Variants in MGAT5 observed in about 807,000 individuals in gnomAD.
MGAT5 encodes alpha-1,6-mannosylglycoprotein 6-beta-N-acetylglucosaminyltransferase A.
A neutral mutation model predicts 94.3 loss-of-function variants in MGAT5; 30 were observed. The ratio of observed to expected loss-of-function variants is 0.32; its 90% CI spans 0.24 to 0.43. MGAT5 has a LOEUF of 0.43. MGAT5 is among the 20% of genes least tolerant of loss of function. The pLI is 1.00. For synonymous variants in MGAT5, 310 were observed against 322.9 expected (o/e 0.96, Z 0.43); for missense variants, 691 against 905.5 (o/e 0.76, Z 3.04).
At chr2:134,345,088 C>G in intron 8 of MGAT5, 24 bp downstream of exon 8, 1 of 1,594,230 alleles carries the variant, frequency 6.3e-7, no homozygotes, top group South Asian at 1.1e-5. Flanking sequence ...GGTGTTCTGA[C>G]TTAAGGTTTT....
intron 10 of MGAT5, among the ~76,000 whole-genome samples, chr2:134,381,378 T>TAGATA (rs1681554886): frequency 1.4e-5 from 1 of 71,588 alleles, no homozygotes; most frequent in Non-Finnish European, 2.8e-5. Context: ...TAAGATAAGA[T>TAGATA]AGATTAGATA....
In MGAT5 at chr2:134,182,900, C is replaced by G. The variant is rs566422644; in HGVS notation, c.-143+62609C>G. On this transcript the variant is annotated intron_variant, in intron 1 of 16. Transcript: ENST00000409645. ...CTCCAGGGTTCACGCCATTCTCTTG[C>G]CTCAGCCTCCCGAGTAGCTGTGACT... Among the ~76,000 whole-genome samples the G allele has an allele frequency of 4.1e-4, 61 of 149,622 alleles. 1 individual carries two copies. In the South Asian group the frequency reaches 6.6e-3, roughly 16 times the overall value.
At chr2:134,376,836 G>T (rs775373904) in intron 10 of MGAT5, among the ~76,000 whole-genome samples, 3 of 152,110 alleles carry the variant, frequency 2.0e-5, no homozygotes, top group Non-Finnish European at 4.4e-5. Flanking sequence ...CCCTGAAAAC[G>T]GTACTCATTT....
At chr2:134,130,402 G>A (rs1014480485) in intron 1 of MGAT5, among the ~76,000 whole-genome samples, 49 of 152,262 alleles carry the variant, frequency 3.2e-4, no homozygotes, top group African/African-American at 1.1e-3. Flanking sequence ...GCAGGCGCGG[G>A]GCGTGGGATT....
intron 1 of MGAT5, among the ~76,000 whole-genome samples, chr2:134,134,932 G>T (rs1686338520): frequency 6.6e-6 from 1 of 152,140 alleles, no homozygotes; most frequent in Non-Finnish European, 1.5e-5. Context: ...AATGAAGAAA[G>T]GTTGTGCTTT....
chr2:134,272,954 T>TAA (rs1185942044), intron 2 of MGAT5, among the ~76,000 whole-genome samples: 2 of 152,260 alleles, frequency 1.3e-5, no homozygotes, highest in East Asian at 3.9e-4. Context: ...TCTGTCTCAG[T>TAA]GTCTGCTCTC....
chr2:134,343,365 C>G (rs1463779313), intron 7 of MGAT5, among the ~76,000 whole-genome samples: 3 of 152,124 alleles, frequency 2.0e-5, no homozygotes, highest in African/African-American at 7.2e-5. Flanking sequence ...GGCCTGCTAT[C>G]TGTTGTTTTG....
At chr2:134,405,974 T>A in intron 11 of MGAT5, among the ~76,000 whole-genome samples, 1 of 152,226 alleles carries the variant, frequency 6.6e-6, no homozygotes, top group East Asian at 1.9e-4. Context: ...ATCCTTCTAA[T>A]TGGGGTATAA....
chr2:134,444,760 G>C (rs1685678834), intron 15 of MGAT5, among the ~76,000 whole-genome samples: 1 of 152,192 alleles, frequency 6.6e-6, no homozygotes, highest in South Asian at 2.1e-4. Context: ...TCACATCAGG[G>C]GAACCCTTTG....
Position 134,452,238 on chromosome 2 carries a change from T to G in MGAT5, c.*3391T>G, listed in dbSNP as rs1686145261. The G allele has an allele frequency of 6.6e-6, 1 of 152,128 alleles. No homozygotes were observed. Among genetic ancestry groups the G allele is most frequent in the Non-Finnish European group, 1.5e-5 (1 of 68,028 alleles). 9.4% of individuals were successfully genotyped at this position (152,128 alleles called of 1,614,324 possible). On this transcript the variant is annotated 3_prime_UTR_variant, in exon 16 of 16. Transcript: ENST00000281923. ...TTGAGAACCTCAAGAAAGGGCTGGA[T>G]TCTGCCATACCTTTGGGTCTACCTT...
At chr2:134,153,655 GC>G (rs1687333303) in intron 1 of MGAT5, among the ~76,000 whole-genome samples, 1 of 152,104 alleles carries the variant, frequency 6.6e-6, no homozygotes, top group Non-Finnish European at 1.5e-5. Context: ...ATAATGCTTT[GC>G]CTTTACAGGC....
rs539456067 is a variant in MGAT5, at chr2:134,387,032, T to C, written c.1381-15956T>C. Among the ~76,000 whole-genome samples the C allele has an allele frequency of 4.3e-4, 66 of 151,918 alleles. 1 individual carries two copies. Among genetic ancestry groups the C allele is most frequent in the African/African-American group, 1.5e-3 (62 of 41,458 alleles). On this transcript the variant is annotated intron_variant, in intron 10 of 15. Transcript: ENST00000281923. ...ATCCCATCACTTTGGGAGGCCAAGG[T>C]GGGCAGATCACCTGAGGTCAGGAGT...
chr2:134,341,546 TA>T, intron 6 of MGAT5, 43 bp from the exon 7 acceptor site: 2 of 1,497,454 alleles, frequency 1.3e-6, no homozygotes, highest in South Asian at 2.7e-5. Context: ...GTGCCTTTTG[TA>T]TGTGGTTCAG....
intron 9 of MGAT5, among the ~76,000 whole-genome samples, chr2:134,354,299 G>C (rs150615609): frequency 2.0e-5 from 3 of 152,274 alleles, no homozygotes; most frequent in African/African-American, 4.8e-5. Context: ...CAGAAATAGA[G>C]TGCTATACTT....
intron 1 of MGAT5, among the ~76,000 whole-genome samples, chr2:134,136,654 C>T (rs1188156116): frequency 2.0e-5 from 3 of 152,048 alleles, no homozygotes; most frequent in Non-Finnish European, 2.9e-5. Context: ...CTCTGCAGTC[C>T]TGTGTATTTT....
At chr2:134,217,863 G>A (rs1216681761) in intron 1 of MGAT5, among the ~76,000 whole-genome samples, 2 of 152,184 alleles carry the variant, frequency 1.3e-5, no homozygotes, top group Non-Finnish European at 2.9e-5. Flanking sequence ...AGTACTAGAT[G>A]TTTAAAGATG....
At chr2:134,360,018 G>T (rs1324882843) in intron 9 of MGAT5, among the ~76,000 whole-genome samples, 1 of 152,190 alleles carries the variant, frequency 6.6e-6, no homozygotes, top group African/African-American at 2.4e-5. Flanking sequence ...GCATGTAGAG[G>T]TCAGACCAGT....
intron 10 of MGAT5, among the ~76,000 whole-genome samples, chr2:134,376,218 C>A (rs1262073026): frequency 6.6e-6 from 1 of 152,174 alleles, no homozygotes. Flanking sequence ...GAATTTTAAC[C>A]TATTGCCTAA....
At chr2:134,340,427 A>C (rs1053362893) in intron 6 of MGAT5, among the ~76,000 whole-genome samples, 15 of 152,178 alleles carry the variant, frequency 9.9e-5, no homozygotes, top group African/African-American at 3.4e-4. Context: ...AGCCTACCAC[A>C]GGCCTAGATG....
Sources: gnomAD v4.1 joint callset for allele counts (sites outside exome capture counted in the v4.1 genomes callset) on GRCh38, gnomAD v4.1.1 for gene constraint, MANE v1.5 for transcripts, NCBI Gene and HGNC (gene_info 2026-07-23, HGNC 2026-07-21) for gene names.